Variants in TLN2 observed in about 807,000 individuals in gnomAD.
TLN2 encodes the protein talin 2, also known as talin-2.
TLN2 carries 118 observed loss-of-function variants against 294.7 expected under a neutral mutation model. That is an observed-to-expected ratio of 0.40 (90% CI 0.34 to 0.47). The LOEUF (loss-of-function observed/expected upper bound fraction) is 0.47, where lower values mean the gene tolerates loss of function less well. TLN2 is among the 20% of genes least tolerant of loss of function. TLN2 has a pLI of 0.84. For synonymous variants in TLN2, 1,431 were observed against 1,304.5 expected (o/e 1.10, Z -2.09); for missense variants, 3,083 against 3,282.2 (o/e 0.94, Z 1.48).
At chr15:62,718,119 C>G (rs1307998143) in intron 24 of TLN2, among the ~76,000 whole-genome samples, 2 of 152,368 alleles carry the variant, frequency 1.3e-5, no homozygotes, top group Admixed American at 1.3e-4. Context: ...CATCTAGCCT[C>G]TGTGACTTTG....
chr15:62,691,271 CTG>C (rs1278931585), intron 12 of TLN2, among the ~76,000 whole-genome samples: 1 of 152,126 alleles, frequency 6.6e-6, no homozygotes, highest in Non-Finnish European at 1.5e-5. Context: ...CCGTGAAGCT[CTG>C]TTTTTTAGTT....
intron 1 of TLN2, among the ~76,000 whole-genome samples, chr15:62,522,086 C>A (rs565166779): frequency 2.6e-5 from 4 of 152,096 alleles, no homozygotes; most frequent in Non-Finnish European, 5.9e-5. Context: ...ACTTCTCTGG[C>A]GTCCTCTTGG....
intron 9 of TLN2, among the ~76,000 whole-genome samples, chr15:62,672,395 C>G (rs1245813024): frequency 6.6e-6 from 1 of 152,062 alleles, no homozygotes; most frequent in African/African-American, 2.4e-5. Flanking sequence ...TTCTGATGCT[C>G]AAATTGCCCC....
At chr15:62,784,762 C>G (rs1024147340) in intron 45 of TLN2, 2 of 152,170 alleles carry the variant, frequency 1.3e-5, no homozygotes, top group Non-Finnish European at 2.9e-5. Context: ...TAATTATATT[C>G]TGTGAAATTC....
chr15:62,710,760 C>G (rs2059378667), intron 21 of TLN2, among the ~76,000 whole-genome samples: 1 of 28,012 alleles, frequency 3.6e-5, no homozygotes, highest in Non-Finnish European at 2.1e-4. Flanking sequence ...GAGTCTTGCT[C>G]TGTTGCCCAG....
At chr15:62,687,823 T>C (rs991599534) in intron 12 of TLN2, 6 of 152,242 alleles carry the variant, frequency 3.9e-5, no homozygotes, top group Non-Finnish European at 7.3e-5. Flanking sequence ...ACATACCTTC[T>C]TTCCTCTTGT....
At chr15:62,559,856 C>G (rs1290011687) in intron 1 of TLN2, among the ~76,000 whole-genome samples, 1 of 152,198 alleles carries the variant, frequency 6.6e-6, no homozygotes, top group African/African-American at 2.4e-5. Context: ...GATGAACTTG[C>G]AAGGTCATTA....
chr15:62,451,167 C>T (rs924475445), intron 1 of TLN2, among the ~76,000 whole-genome samples: 1 of 152,132 alleles, frequency 6.6e-6, no homozygotes, highest in South Asian at 2.1e-4. Flanking sequence ...AGACCCAGAG[C>T]AGAGTCCAGG....
intron 3 of TLN2, among the ~76,000 whole-genome samples, chr15:62,622,435 A>G (rs1286257852): frequency 6.6e-6 from 1 of 152,178 alleles, no homozygotes; most frequent in Non-Finnish European, 1.5e-5. Context: ...CCCAATATCC[A>G]TTCAGTCCAT....
At chr15:62,473,170 A>T (rs576761475) in intron 1 of TLN2, among the ~76,000 whole-genome samples, 5 of 152,302 alleles carry the variant, frequency 3.3e-5, no homozygotes, top group African/African-American at 1.2e-4. Context: ...ACTTTTAAAA[A>T]TGAAAGTGTA....
chr15:62,421,615 A>C (rs1047124921), intron 1 of TLN2, among the ~76,000 whole-genome samples: 1 of 151,814 alleles, frequency 6.6e-6, no homozygotes, highest in African/African-American at 2.4e-5. Flanking sequence ...ATAAGTGGGG[A>C]CTAAATGATG....
At chr15:62,596,740 CAA>C (rs11345944) in intron 2 of TLN2, among the ~76,000 whole-genome samples, 2,412 of 135,152 alleles carry the variant, frequency 0.018, 60 homozygotes, top group African/African-American at 0.059. Context: ...GACTCTGTCT[CAA>C]AAAAAAAAAA....
At chr15:62,396,068 A>C (rs1008107680) in intron 1 of TLN2, among the ~76,000 whole-genome samples, 24 of 151,374 alleles carry the variant, frequency 1.6e-4, no homozygotes, top group African/African-American at 4.1e-4. Flanking sequence ...CTTCTGACCC[A>C]AGTGATCCAC....
chr15:62,658,172 T>TGA (rs758445957), intron 9 of TLN2: 26 of 87,328 alleles, frequency 3.0e-4, no homozygotes, highest in South Asian at 1.2e-3. Flanking sequence ...AAGAGGAAAG[T>TGA]AAAAAAAAAA....
intron 1 of TLN2, among the ~76,000 whole-genome samples, chr15:62,490,050 G>C (rs552128201): frequency 1.3e-5 from 2 of 152,174 alleles, no homozygotes; most frequent in Non-Finnish European, 2.9e-5. Flanking sequence ...GGGGTAATTT[G>C]TTATGCAGCA....
At chr15:62,596,583 C>G (rs1195302770) in intron 2 of TLN2, among the ~76,000 whole-genome samples, 1 of 151,802 alleles carries the variant, frequency 6.6e-6, no homozygotes, top group Non-Finnish European at 1.5e-5. Context: ...ACTAAAAATA[C>G]CAAAACTAGC....
intron 16 of TLN2, among the ~76,000 whole-genome samples, chr15:62,699,435 C>G (rs2058573619): frequency 6.6e-6 from 1 of 151,576 alleles, no homozygotes; most frequent in African/African-American, 2.4e-5. Context: ...GCATTTGCAA[C>G]AAGATCTCAG....
intron 3 of TLN2, among the ~76,000 whole-genome samples, chr15:62,626,488 A>G (rs2049293765): frequency 6.6e-6 from 1 of 152,188 alleles, no homozygotes; most frequent in Admixed American, 6.5e-5. Flanking sequence ...CATGCTCACT[A>G]CCGCCCTTCA....
intron 23 of TLN2, among the ~76,000 whole-genome samples, chr15:62,717,186 G>T (rs2059831773): frequency 6.6e-6 from 1 of 152,198 alleles, no homozygotes; most frequent in South Asian, 2.1e-4. Context: ...GCTGAGAGAG[G>T]AGAGTCATGG....
Sources: gnomAD v4.1 joint callset for allele counts (sites outside exome capture counted in the v4.1 genomes callset) on GRCh38, gnomAD v4.1.1 for gene constraint, MANE v1.5 for transcripts, NCBI Gene and HGNC (gene_info 2026-07-23, HGNC 2026-07-21) for gene names.